KCTD1: variants seen among roughly 807,000 people sequenced by gnomAD.
The protein encoded by KCTD1 is BTB/POZ domain-containing protein KCTD1.
A neutral mutation model predicts 66.0 loss-of-function variants in KCTD1; 24 were observed. The ratio of observed to expected loss-of-function variants is 0.36; its 90% confidence interval spans 0.26 to 0.51. KCTD1 has a LOEUF of 0.51. Among genes scored for constraint, KCTD1 ranks in the 20% least tolerant of loss-of-function variants. KCTD1 has a pLI of 0.95. For synonymous variants in KCTD1, 511 were observed against 517.2 expected (o/e 0.99, Z 0.16); for missense variants, 943 against 1,205.2 (o/e 0.78, Z 3.22).
At chr18:26,649,537 C>G (rs938524643) in intron 1 of KCTD1, among the ~76,000 whole-genome samples, 1 of 152,068 alleles carries the variant, frequency 6.6e-6, no homozygotes, top group Non-Finnish European at 1.5e-5. Context: ...GAGACAGAGT[C>G]TTGCTCTGTC....
chr18:26,479,096 T>A (rs993795029), intron 2 of KCTD1, among the ~76,000 whole-genome samples: 1 of 152,192 alleles, frequency 6.6e-6, no homozygotes, highest in African/African-American at 2.4e-5. Flanking sequence ...CATCTTCACT[T>A]CCAATGTAGT....
intron 1 of KCTD1, among the ~76,000 whole-genome samples, chr18:26,586,798 AG>A (rs1489937332): frequency 2.9e-5 from 2 of 68,170 alleles, no homozygotes; most frequent in Non-Finnish European, 7.6e-5. Context: ...AATCCAAAGC[AG>A]GGCCCTAACT....
chr18:26,643,437 A>G (rs1987868725), upstream of KCTD1, among the ~76,000 whole-genome samples: 2 of 152,332 alleles, frequency 1.3e-5, no homozygotes, highest in Middle Eastern at 3.4e-3. Context: ...GGGCCAATGG[A>G]GACAGGAAAG....
At chr18:26,474,877 A>G (rs1435395309) in intron 3 of KCTD1, among the ~76,000 whole-genome samples, 2 of 151,558 alleles carry the variant, frequency 1.3e-5, no homozygotes, top group Admixed American at 1.3e-4. Flanking sequence ...TAATACTTTT[A>G]TTGCCCTCGT....
chr18:26,462,044 T>G (rs1245746321), intron 3 of KCTD1, among the ~76,000 whole-genome samples: 2 of 152,196 alleles, frequency 1.3e-5, no homozygotes, highest in Non-Finnish European at 2.9e-5. Context: ...AGGAAGGACT[T>G]GGGGTTAGAA....
intron 1 of KCTD1, among the ~76,000 whole-genome samples, chr18:26,533,541 G>C (rs919251258): frequency 6.6e-6 from 1 of 152,008 alleles, no homozygotes; most frequent in Non-Finnish European, 1.5e-5. Flanking sequence ...CCTCTGTAGC[G>C]CAGGCTGTAG....
At chr18:26,521,603 G>A (rs1446781670) in intron 1 of KCTD1, among the ~76,000 whole-genome samples, 2 of 152,188 alleles carry the variant, frequency 1.3e-5, no homozygotes, top group Non-Finnish European at 2.9e-5. Flanking sequence ...TGTGCCCCAG[G>A]AGCTACAAAA....
intron 1 of KCTD1, among the ~76,000 whole-genome samples, chr18:26,529,156 A>G (rs1984315348): frequency 6.6e-6 from 1 of 152,140 alleles, no homozygotes; most frequent in South Asian, 2.1e-4. Flanking sequence ...TTCCACACAC[A>G]GCACTAGCAT....
chr18:26,623,339 C>A (rs1350110922), intron 1 of KCTD1, among the ~76,000 whole-genome samples: 1 of 152,102 alleles, frequency 6.6e-6, no homozygotes, highest in East Asian at 1.9e-4. Context: ...GGCTGATATG[C>A]TTTGACTGTG....
At chr18:26,571,871 T>C (rs1346316841) in intron 1 of KCTD1, among the ~76,000 whole-genome samples, 2 of 152,184 alleles carry the variant, frequency 1.3e-5, no homozygotes, top group African/African-American at 2.4e-5. Context: ...TAATGTTCCA[T>C]GTTGCCTCTT....
intron 1 of KCTD1, among the ~76,000 whole-genome samples, chr18:26,522,957 A>G (rs1003377749): frequency 6.6e-6 from 1 of 152,230 alleles, no homozygotes; most frequent in Non-Finnish European, 1.5e-5. Flanking sequence ...ATACTGCTCC[A>G]TGAATCTGGA....
chr18:26,599,736 C>A (rs1390921910), intron 1 of KCTD1: 1 of 1,567,802 alleles, frequency 6.4e-7, no homozygotes. Context: ...AAAGTGAAGA[C>A]AGCATCTAAG....
intron 1 of KCTD1, chr18:26,655,678 C>T (rs542851378): frequency 6.6e-6 from 1 of 152,378 alleles, no homozygotes; most frequent in South Asian, 2.1e-4. Flanking sequence ...TTGGCTTCCG[C>T]CCAGCCGAAC....
intron 1 of KCTD1, among the ~76,000 whole-genome samples, chr18:26,617,358 G>A (rs923725334): frequency 6.6e-6 from 1 of 152,190 alleles, no homozygotes; most frequent in Non-Finnish European, 1.5e-5. Context: ...GTCAACTGCC[G>A]TACAAAGATG....
At chr18:26,657,009 C>T (rs1482790839) in intron 1 of KCTD1, among the ~76,000 whole-genome samples, 1 of 150,190 alleles carries the variant, frequency 6.7e-6, no homozygotes, top group African/African-American at 2.4e-5. Flanking sequence ...CACGGCGGCT[C>T]CTCTCCGAGA....
At chr18:26,558,576 T>C (rs1463994869) in intron 1 of KCTD1, among the ~76,000 whole-genome samples, 1 of 152,090 alleles carries the variant, frequency 6.6e-6, no homozygotes, top group African/African-American at 2.4e-5. Context: ...AACAGATGAA[T>C]AGATAAAGAA....
chr18:26,504,099 C>G (rs971874408), intron 1 of KCTD1, among the ~76,000 whole-genome samples: 6 of 152,174 alleles, frequency 3.9e-5, no homozygotes, highest in Non-Finnish European at 1.5e-5. Flanking sequence ...CAGAGTCTCT[C>G]TCTGTTGCCC....
rs184374897 is a variant in KCTD1 at position 26,463,734 on chromosome 18, G to A, written c.2134-3809C>T. Among the ~76,000 whole-genome samples the A allele has an allele frequency of 4.6e-5, 7 of 152,054 alleles. No individual in the cohort carries two copies. In the East Asian group the frequency reaches 9.7e-4, roughly 21 times the overall value. ...GTATTTTTAGTAGAGACGGGGTTTC[G>A]CCATGTTGGCCAGGCTGGTCTCGAA... On this transcript the variant is annotated intron_variant, in intron 3 of 4. Coordinates refer to ENST00000580059, the MANE Select transcript of KCTD1 (RefSeq NM_001142730.3).
chr18:26,557,156 C>T (rs1190629806), intron 1 of KCTD1, among the ~76,000 whole-genome samples: 1 of 152,062 alleles, frequency 6.6e-6, no homozygotes, highest in Admixed American at 6.5e-5. Context: ...TGCAATCTGC[C>T]GTAGAAAACA....
Sources: allele counts gnomAD v4.1 joint callset (sites outside exome capture counted in the v4.1 genomes callset), GRCh38; gene constraint gnomAD v4.1.1; transcripts MANE v1.5; gene names NCBI Gene and HGNC (gene_info 2026-07-23, HGNC 2026-07-21).